TNC: variants seen among roughly 807,000 people sequenced by gnomAD.
TNC encodes tenascin C.
In TNC, 109 loss-of-function variants were observed where a neutral mutation model predicts 202.4. The ratio of observed to expected loss-of-function variants is 0.54; its 90% CI spans 0.46 to 0.63. TNC has a LOEUF of 0.63. TNC is among the 30% of genes least tolerant of loss of function. The pLI is 0.00. For missense variants in TNC, 2,756 were observed against 2,833.3 expected, an observed-to-expected ratio of 0.97 and a Z score of 0.62; for synonymous variants, 1,007 against 1,089.7, an observed-to-expected ratio of 0.92 and a Z score of 1.50.
Position 115,064,750 on chromosome 9 carries a change from A to C in TNC, c.3384T>G (p.Ala1128=), listed in dbSNP as rs1832813225. 6.2e-7 allele frequency: 1 copy of C among 1,614,076 alleles called. No individual in the cohort carries two copies. Among genetic ancestry groups the C allele is most frequent in the Non-Finnish European group, 8.5e-7 (1 of 1,180,040 alleles). ...RNLTVPGSLR[A]VDIPGLKAAT... ...CAGCCTTGAGGCCCGGTATGTCCAC[A>C]GCCCGAAGGCTGCCAGGCACGGTGA... Residue 1128 remains alanine (A), a synonymous_variant, in exon 11 of 28, where the codon GCT becomes GCG. Coordinates refer to ENST00000350763, the MANE Select transcript of TNC (RefSeq NM_002160.4).
At chr9:115,041,198 AC>A in intron 18 of TNC, 114 bp from the exon 19 acceptor site, 1 of 1,209,128 alleles carries the variant, frequency 8.3e-7, no homozygotes, top group Non-Finnish European at 1.1e-6. Flanking sequence ...TTCATCAAAC[AC>A]CACTTTCTTG....
At chr9:115,117,133 G>A (rs1274346248) in intron 1 of TNC, among the ~76,000 whole-genome samples, 1 of 152,178 alleles carries the variant, frequency 6.6e-6, no homozygotes, top group Non-Finnish European at 1.5e-5. Context: ...AGGGTCATAT[G>A]TATGGTGGTG....
rs1300638485 is a variant in TNC, at chr9:115,029,346, C to A, written c.6169+14G>T. ...ATCAGGCATTTTAGATATAAACATG[C>A]AGGGCTGCATTACCAAGCCAGAATT... On this transcript the variant is annotated intron_variant, in intron 25 of 27. Transcript: ENST00000350763. 1.2e-6 allele frequency: 2 copies of A among 1,612,328 alleles called. No individual in the cohort carries two copies. Among genetic ancestry groups the A allele is most frequent in the Non-Finnish European group, 1.7e-6 (2 of 1,178,460 alleles).
At chr9:115,050,339 CA>C (rs1221772822) in intron 15 of TNC, among the ~76,000 whole-genome samples, 3 of 152,064 alleles carry the variant, frequency 2.0e-5, no homozygotes, top group Admixed American at 2.0e-4. Flanking sequence ...CTAGGATTCC[CA>C]AGACTGGGTC....
At chr9:115,074,993 T>A (rs1833733727) in intron 9 of TNC, among the ~76,000 whole-genome samples, 1 of 152,038 alleles carries the variant, frequency 6.6e-6, no homozygotes, top group African/African-American at 2.4e-5. Flanking sequence ...AATCTACAAT[T>A]ATCTCAAAAT....
At position 115,114,177 on chromosome 9, in the gene TNC, C is replaced by T. The variant is rs548555817; in HGVS notation, c.-137+3805G>A. Among the ~76,000 whole-genome samples, 7 of 152,284 alleles carry T rather than the reference C, an allele frequency of 4.6e-5. No individual in the cohort carries two copies. In the South Asian group the frequency reaches 1.4e-3, roughly 32 times the overall value. Reference sequence around the variant, plus strand: ...GGAAGGGAGCCTTCATCTAATGTTTCCCACATGTTGAAGGTGTTCAAACTG... The same window carrying T: ...GGAAGGGAGCCTTCATCTAATGTTTTCCACATGTTGAAGGTGTTCAAACTG... On this transcript the variant is annotated intron_variant, in intron 1 of 27. Transcript: ENST00000350763.
intron 7 of TNC, 49 bp downstream of exon 7, chr9:115,077,894 C>A: frequency 6.4e-7 from 1 of 1,561,678 alleles, no homozygotes; most frequent in Non-Finnish European, 8.7e-7. Flanking sequence ...GGATGGAAAT[C>A]TTTCAATCTT....
At chr9:115,097,730 C>T (rs1365421220) in intron 1 of TNC, among the ~76,000 whole-genome samples, 1 of 152,166 alleles carries the variant, frequency 6.6e-6, no homozygotes, top group Non-Finnish European at 1.5e-5. Flanking sequence ...ATAATAGTGG[C>T]ATCTCCTTGT....
Position 115,047,536 on chromosome 9 carries a change from G to A in TNC, c.4852+724C>T, listed in dbSNP as rs552027103. On this transcript the variant is annotated intron_variant, in intron 16 of 27. Transcript: ENST00000350763. Reference sequence around the variant, plus strand: ...TACTTCTTGGAGATGATGCACGTTAGGGTGTTCTGAAAAGCCGTGCAGTTA... The same window carrying A: ...TACTTCTTGGAGATGATGCACGTTAAGGTGTTCTGAAAAGCCGTGCAGTTA... Among the ~76,000 whole-genome samples, 13 of 151,446 alleles carry A rather than the reference G, an allele frequency of 8.6e-5. No individual in the cohort carries two copies. The South Asian group carries it at 2.5e-3, about 29-fold the overall frequency.
At chr9:115,094,150 G>A (rs1345212532) in intron 1 of TNC, among the ~76,000 whole-genome samples, 3 of 152,166 alleles carry the variant, frequency 2.0e-5, no homozygotes, top group Non-Finnish European at 4.4e-5. Context: ...AAAGTACCCA[G>A]CATGGTGTCA....
Position 115,057,407 on chromosome 9 carries a change from C to T in TNC, c.4325G>A (p.Gly1442Glu). ...EASTAKEPEI[G>E]NLNVSDITPE... ...AGTTATGTCAGAAACATTTAAGTTTCCAATTTCAGGTTCTTTGGCTGTAAA... is the reference window on the plus strand; with the variant it reads ...AGTTATGTCAGAAACATTTAAGTTTTCAATTTCAGGTTCTTTGGCTGTAAA... The change falls in exon 15 of 28, where the codon GGA becomes GAA. Residue 1442 changes from glycine to glutamate, a missense_variant. By Grantham distance (98) the Gly-to-Glu change is moderately conservative. Transcript: ENST00000350763. The T allele has an allele frequency of 1.2e-6, 2 of 1,609,482 alleles. No homozygotes were observed. Among genetic ancestry groups the T allele is most frequent in the Non-Finnish European group, 1.7e-6 (2 of 1,178,958 alleles).
chr9:115,030,441 CAGG>C (rs758776211), intron 23 of TNC, 36 bp from the exon 24 acceptor site: 1 of 1,586,756 alleles, frequency 6.3e-7, no homozygotes, highest in African/African-American at 1.3e-5. Context: ...GCTCTCAGTG[CAGG>C]AGGACTGAGC....
intron 1 of TNC, among the ~76,000 whole-genome samples, chr9:115,113,498 C>A (rs10982542): frequency 6.6e-6 from 1 of 152,156 alleles, no homozygotes; most frequent in Non-Finnish European, 1.5e-5. Context: ...CCTAGGAGAA[C>A]ATTTCAGACA....
In TNC at chr9:115,026,550, C is replaced by T. The variant is rs756535825; in HGVS notation, c.6315G>A (p.Gly2105=). ...CTACTGTACCTGCTGTCCCACTGTA[C>T]CCCTCCACCTTCAGCTTGTAGCGAG... ...AKTRYKLKVE[G]YSGTAGDSMA... is the part of the protein sequence containing the mutation. The change falls in exon 26 of 28, where the codon GGG becomes GGA. Residue 2105 remains glycine, a synonymous_variant. Transcript: ENST00000350763. 17 of 1,613,922 alleles carry T rather than the reference C, an allele frequency of 1.1e-5. No individual in the cohort carries two copies. The highest frequency in any genetic ancestry group is 1.4e-5 in the Non-Finnish European group (16 of 1,179,970).
intron 12 of TNC, 127 bp downstream of exon 12, chr9:115,063,669 G>A: frequency 9.5e-7 from 1 of 1,054,658 alleles, no homozygotes; most frequent in African/African-American, 1.6e-5. Context: ...GGAAGAAGCA[G>A]AGATGATTCA....
At chr9:115,080,654 T>C (rs1834235553) in intron 6 of TNC, among the ~76,000 whole-genome samples, 1 of 152,166 alleles carries the variant, frequency 6.6e-6, no homozygotes, top group Non-Finnish European at 1.5e-5. Context: ...CTCACGCCTG[T>C]AATCCTAGCA....
intron 15 of TNC, among the ~76,000 whole-genome samples, chr9:115,050,749 G>C (rs887356693): frequency 6.6e-6 from 1 of 152,096 alleles, no homozygotes; most frequent in African/African-American, 2.4e-5. Context: ...TGGATGCTAG[G>C]CAGTTAAATT....
chr9:115,064,836 C>T lies in TNC; in HGVS notation c.3298G>A (p.Ala1100Thr), dbSNP rs958160062. The part of the protein sequence containing the change: ...LRLNWTAADQ[A>T]YEHFIIQVQE... ...ACCTGAATGATAAAGTGCTCATAGG[C>T]CTGGTCAGCTGCGGTCCAGTTGAGT... The change falls in exon 11 of 28, where the codon GCC becomes ACC. Residue 1100 changes from alanine (A) to threonine (T), a missense_variant. Transcript: ENST00000350763. 5.0e-6 allele frequency: 8 copies of T among 1,614,080 alleles called. No individual in the cohort carries two copies. Among genetic ancestry groups the T allele is most frequent in the South Asian group, 2.2e-5 (2 of 91,080 alleles).
chr9:115,090,494 G>T, intron 2 of TNC, 68 bp downstream of exon 2: 1 of 1,302,636 alleles, frequency 7.7e-7, no homozygotes, highest in Non-Finnish European at 1.1e-6. Context: ...GCAAGTGATG[G>T]ATGCTGCTAT....
Sources: allele counts gnomAD v4.1 joint callset (sites outside exome capture counted in the v4.1 genomes callset), GRCh38; gene constraint gnomAD v4.1.1; transcripts MANE v1.5; gene names NCBI Gene and HGNC (gene_info 2026-07-23, HGNC 2026-07-21).